GPR107: variants seen among roughly 807,000 people sequenced by gnomAD.
GPR107 encodes protein GPR107.
In GPR107, 31 loss-of-function variants were observed where a neutral mutation model predicts 75.5. The observed-to-expected ratio is 0.41, with a 90% confidence interval of 0.31 to 0.55. The LOEUF is 0.55. Ranked by LOEUF, GPR107 falls within the 20% of genes least tolerant of loss-of-function variation. The pLI, the probability that GPR107 is intolerant of heterozygous loss-of-function variation, is 0.26. For synonymous variants in GPR107, 267 were observed against 251.3 expected (o/e 1.06, Z -0.59); for missense variants, 572 against 665.7 (o/e 0.86, Z 1.55).
intron 14 of GPR107, among the ~76,000 whole-genome samples, chr9:130,121,618 G>A (rs1047418136): frequency 3.3e-5 from 5 of 152,140 alleles, no homozygotes; most frequent in South Asian, 2.1e-4. Flanking sequence ...CTGAGCCTCC[G>A]CACCTGCTGT....
At chr9:130,116,565 A>C (rs1831433363) in intron 14 of GPR107, among the ~76,000 whole-genome samples, 1 of 152,214 alleles carries the variant, frequency 6.6e-6, no homozygotes, top group South Asian at 2.1e-4. Context: ...TCTCACTGGC[A>C]TAGCTCACAG....
At chr9:130,068,071 T>C (rs1247909234) in intron 1 of GPR107, among the ~76,000 whole-genome samples, 3 of 151,952 alleles carry the variant, frequency 2.0e-5, no homozygotes, top group East Asian at 1.9e-4. Flanking sequence ...GTTTTCTTTT[T>C]TTTTTTTTTC....
chr9:130,118,256 C>T (rs4837464), intron 14 of GPR107, among the ~76,000 whole-genome samples: 47,988 of 152,032 alleles, frequency 0.32, 7,757 homozygotes, highest in Non-Finnish European at 0.38. Context: ...TTGATGGCAA[C>T]GACCAGTGCT....
chr9:130,085,218 G>T (rs1564667904), intron 6 of GPR107, among the ~76,000 whole-genome samples: 2 of 152,168 alleles, frequency 1.3e-5, no homozygotes, highest in African/African-American at 2.4e-5. Context: ...GGACACAGTT[G>T]TGAGAATACA....
chr9:130,066,397 A>G lies in GPR107; in HGVS notation c.142-9239A>G, dbSNP rs541397827. ...TTATGATTGCGCATTGATGATGATG[A>G]TGGTGATGATGACGACGATGATGAT... On this transcript the variant is annotated intron_variant, in intron 1 of 17. Coordinates refer to ENST00000347136, the MANE Select transcript of GPR107 (RefSeq NM_020960.5). 7.6e-4 allele frequency among the ~76,000 whole-genome samples: 25 copies of G among 32,800 alleles called. No homozygotes were observed. The East Asian group carries it at 0.039, about 51-fold the overall frequency. The allele number at this position is 32,800 out of a possible 152,430, so 21.5% of individuals were successfully genotyped here. A position where few individuals can be genotyped will look rare whatever the true frequency, so the allele number is the denominator to read the frequency against.
chr9:130,078,329 G>T (rs182430396), intron 4 of GPR107, among the ~76,000 whole-genome samples: 2 of 152,140 alleles, frequency 1.3e-5, no homozygotes, highest in African/African-American at 4.8e-5. Flanking sequence ...CCCAGAAGAG[G>T]ATGGATTTGA....
chr9:130,111,404 C>T (rs756114542), intron 14 of GPR107, among the ~76,000 whole-genome samples: 5 of 151,978 alleles, frequency 3.3e-5, no homozygotes, highest in Admixed American at 6.6e-5. Context: ...TGATGGCACA[C>T]GCCTGTAGTC....
Position 130,135,101 on chromosome 9 carries a change from G to C in GPR107, c.1639G>C (p.Glu547Gln). ...CAACGGCTCCGTGGAGCCCCAGGGCGAGTGGGAAGGCGCCGTGTGACAGAG... is the reference window on the plus strand; with the variant it reads ...CAACGGCTCCGTGGAGCCCCAGGGCCAGTGGGAAGGCGCCGTGTGACAGAG... ...VTNGSVEPQG[E>Q]WEGAV The change falls in exon 18 of 18, where the codon GAG becomes CAG. Residue 547 changes from glutamate to glutamine, a missense_variant. Transcript: ENST00000347136. 6.2e-7 allele frequency: 1 copy of C among 1,605,948 alleles called. No individual in the cohort carries two copies.
rs535741996 is a variant in GPR107 at position 130,095,046 on chromosome 9, T to G, written c.863+2665T>G. On this transcript the variant is annotated intron_variant, in intron 9 of 17. Transcript: ENST00000347136. ...AAGAAAGTTCTACTTTTGCCTTTACTGGAAAAGTAAGAACTAGGAGTCAGA... is the reference window on the plus strand; with the variant it reads ...AAGAAAGTTCTACTTTTGCCTTTACGGGAAAAGTAAGAACTAGGAGTCAGA... 3.3e-5 allele frequency among the ~76,000 whole-genome samples: 5 copies of G among 152,272 alleles called. No homozygotes were observed. In the South Asian group the frequency reaches 1.0e-3, roughly 32 times the overall value.
In GPR107 at chr9:130,136,143, C is replaced by A. The variant is rs2047819679; in HGVS notation, c.*1022C>A. ...AGTAGGATTTCTAAATAGATGAATTCAACAGACTTGGTCCCCATAGTCCAA... is the reference window on the plus strand; with the variant it reads ...AGTAGGATTTCTAAATAGATGAATTAAACAGACTTGGTCCCCATAGTCCAA... On this transcript the variant is annotated 3_prime_UTR_variant, in exon 18 of 18. Coordinates refer to ENST00000347136, the MANE Select transcript of GPR107 (RefSeq NM_020960.5). 1 of 152,140 alleles carries A rather than the reference C, an allele frequency of 6.6e-6. No homozygotes were observed. Among genetic ancestry groups the A allele is most frequent in the Non-Finnish European group, 1.5e-5 (1 of 68,028 alleles). The allele number at this position is 152,140 out of a possible 1,614,324, so 9.4% of individuals were successfully genotyped here.
chr9:130,088,583 T>C (rs1258034239), intron 7 of GPR107, among the ~76,000 whole-genome samples: 2 of 152,250 alleles, frequency 1.3e-5, no homozygotes, highest in Non-Finnish European at 2.9e-5. Context: ...TAGAGACTAA[T>C]GAACCAATAC....
intron 14 of GPR107, among the ~76,000 whole-genome samples, chr9:130,111,703 AATACAGTTTTCAGTTTTGGGGTG>A (rs1831307540): frequency 7.2e-4 from 1 of 1,382 alleles, no homozygotes; most frequent in African/African-American, 2.1e-3. Context: ...TTTTGGGGTG[AATACAGTTTTCAGTTTTGGGGTG>A]AATACAGCTT....
intron 13 of GPR107, among the ~76,000 whole-genome samples, chr9:130,105,284 G>A (rs953375755): frequency 5.4e-5 from 8 of 149,260 alleles, no homozygotes; most frequent in African/African-American, 2.0e-4. Flanking sequence ...ATGGAGTTTC[G>A]CTCTTGTTGC....
At chr9:130,068,513 G>T (rs1267387749) in intron 1 of GPR107, among the ~76,000 whole-genome samples, 2 of 152,152 alleles carry the variant, frequency 1.3e-5, no homozygotes, top group African/African-American at 4.8e-5. Flanking sequence ...AGTTGGTGAG[G>T]TGAAGCTAGC....
intron 7 of GPR107, among the ~76,000 whole-genome samples, chr9:130,089,527 G>A (rs1830684626): frequency 6.6e-6 from 1 of 152,144 alleles, no homozygotes. Flanking sequence ...CTAAATACAG[G>A]AAGGGGACTG....
chr9:130,079,607 C>T (rs1275461191), intron 4 of GPR107, 23 bp from the exon 5 acceptor site: 3 of 1,607,784 alleles, frequency 1.9e-6, no homozygotes, highest in Admixed American at 1.7e-5. Context: ...GACCTTTTTT[C>T]CTTCTGTCTT....
At chr9:130,123,773 C>T (rs988317926) in intron 14 of GPR107, among the ~76,000 whole-genome samples, 1 of 151,932 alleles carries the variant, frequency 6.6e-6, no homozygotes, top group South Asian at 2.1e-4. Context: ...GGATTACAAA[C>T]AGGTATGAGC....
intron 7 of GPR107, among the ~76,000 whole-genome samples, chr9:130,087,922 CTG>C (rs764108172): frequency 4.0e-5 from 6 of 151,720 alleles, no homozygotes; most frequent in Non-Finnish European, 7.4e-5. Flanking sequence ...CTCAATATTT[CTG>C]TGTTTCCATC....
At chr9:130,092,451 G>GGTTCAGGAGCC in intron 9 of GPR107, 70 bp downstream of exon 9, 6 of 1,279,920 alleles carry the variant, frequency 4.7e-6, no homozygotes, top group Non-Finnish European at 6.8e-6. Context: ...GTTGGCTCCT[G>GGTTCAGGAGCC]AACCTGGAGG....
Sources: allele counts gnomAD v4.1 joint callset (sites outside exome capture counted in the v4.1 genomes callset), GRCh38; gene constraint gnomAD v4.1.1; transcripts MANE v1.5; gene names NCBI Gene and HGNC (gene_info 2026-07-23, HGNC 2026-07-21).